Variants in GYG2 observed in about 807,000 individuals in gnomAD.
GYG2 encodes glycogenin 2.
A neutral mutation model predicts 29.4 loss-of-function variants in GYG2; 29 were observed. That is an observed-to-expected ratio of 0.99 (90% CI 0.74 to 1.35). GYG2 has a LOEUF of 1.35. GYG2 is among the 40% of genes most tolerant of loss of function. GYG2 has a pLI of 0.00. For synonymous variants in GYG2, 167 were observed against 172.3 expected, an observed-to-expected ratio of 0.97 and a Z score of 0.24; for missense variants, 370 against 385.7, an observed-to-expected ratio of 0.96 and a Z score of 0.34.
Position 2,853,190 on chromosome X carries a change from T to TTTTG in GYG2, c.150-778_150-775dup, listed in dbSNP as rs752656023. Among the ~76,000 whole-genome samples the TTTTG allele has an allele frequency of 5.4e-5, 6 of 110,481 alleles. No homozygotes were observed. In the South Asian group the frequency reaches 2.4e-3, roughly 44 times the overall value. The stretch of plus-strand genomic sequence containing the variant: ...CCAGCACGCCTGGCTAATTTAAATT[T>TTTTG]TTTGTTTGTTTGTTTTTGTTTTTTT... On this transcript the variant is annotated intron_variant, in intron 3 of 10. Coordinates refer to ENST00000398806, the MANE Select transcript of GYG2 (RefSeq NM_001079855.2).
At chrX:2,872,269 C>G (rs923043747) in intron 8 of GYG2, among the ~76,000 whole-genome samples, 3 of 112,232 alleles carry the variant, frequency 2.7e-5, no homozygotes, top group African/African-American at 9.7e-5. Flanking sequence ...ATTTTATATT[C>G]ATGCATTCAC....
rs2088735932 is a variant in GYG2 at position 2,882,365 on chromosome X, GGGA to G, written c.*1154_*1156del. 9.0e-6 allele frequency: 1 copy of G among 111,493 alleles called. No homozygotes were observed. Among genetic ancestry groups the G allele is most frequent in the African/African-American group, 3.3e-5 (1 of 30,660 alleles). The allele number at this position is 111,493 out of a possible 1,213,427, so 9.2% of individuals were successfully genotyped here. ...ATTAGAGACGGGATAGGAAGGCCGT[GGGA>G]GAACTCGATCCTAGCCTGTGTCAGC... On this transcript the variant is annotated 3_prime_UTR_variant, in exon 11 of 11. Coordinates refer to ENST00000398806, the MANE Select transcript of GYG2 (RefSeq NM_001079855.2).
Position 2,855,043 on chromosome X carries a change from C to G in GYG2, c.375C>G (p.Ala125=). Residue 125 remains alanine (A), a synonymous_variant, in exon 5 of 11, where the codon GCC becomes GCG. Coordinates refer to ENST00000398806, the MANE Select transcript of GYG2 (RefSeq NM_001079855.2). ...ELFDRGEFSA[A]PDPGWPDCFN... Reference sequence around the variant, plus strand: ...TTGACAGGGGAGAGTTTTCTGCGGCCCCGGACCCCGGATGGCCGGATTGCT... The same window carrying G: ...TTGACAGGGGAGAGTTTTCTGCGGCGCCGGACCCCGGATGGCCGGATTGCT... 8.3e-7 allele frequency: 1 copy of G among 1,211,029 alleles called. No individual in the cohort carries two copies. The highest frequency in any genetic ancestry group is 1.1e-6 in the Non-Finnish European group (1 of 894,775).
chrX:2,835,076 G>A (rs755502166), intron 2 of GYG2, among the ~76,000 whole-genome samples: 5 of 111,454 alleles, frequency 4.5e-5, no homozygotes, highest in African/African-American at 1.6e-4. Context: ...GAAAGGGTGG[G>A]ACTACTTGAA....
At chrX:2,868,152 A>T (rs1263628581) in intron 8 of GYG2, among the ~76,000 whole-genome samples, 1 of 111,140 alleles carries the variant, frequency 9.0e-6, no homozygotes, top group Non-Finnish European at 1.9e-5. Flanking sequence ...GGGGAGCGTT[A>T]TGTTGGCTGA....
At chrX:2,833,255 C>T (rs1236123031) in intron 2 of GYG2, among the ~76,000 whole-genome samples, 1 of 110,500 alleles carries the variant, frequency 9.0e-6, no homozygotes, top group Admixed American at 9.7e-5. Context: ...TCTGTGTCCT[C>T]ATCTCCTCTT....
rs940799551 is a variant in GYG2, at chrX:2,877,086, A to G, written c.1144-114A>G. The G allele has an allele frequency of 6.4e-5, 66 of 1,038,209 alleles. No homozygotes were observed. In the Admixed American group the frequency reaches 1.9e-3, roughly 29 times the overall value. 85.6% of individuals were successfully genotyped at this position (1,038,209 alleles called of 1,213,427 possible). ...GCATGAGCCACCGCGCCTGGCCTCA[A>G]CCCAATAATTTGATTTTATTTTACC... is the stretch of plus-strand genomic sequence containing the variant. On this transcript the variant is annotated intron_variant, in intron 9 of 10. Coordinates refer to ENST00000398806, the MANE Select transcript of GYG2 (RefSeq NM_001079855.2).
chrX:2,855,091 C>A lies in GYG2; in HGVS notation c.423C>A (p.Phe141Leu), dbSNP rs1373042247. Reference protein sequence around the residue: ...PDCFNSGVFVFQPSLHTHKLL... With the variant: ...PDCFNSGVFVLQPSLHTHKLL... ...GCTTCAATAGCGGGGTGTTTGTCTT[C>A]CAGCCTTCTCTCCACACGCATAAAC... is the stretch of plus-strand genomic sequence containing the variant. The change falls in exon 5 of 11, where the codon TTC (phenylalanine) becomes TTA (leucine). Residue 141 changes from phenylalanine to leucine, a missense_variant. Phe to Leu is a conservative substitution (Grantham distance 22). Coordinates refer to ENST00000398806, the MANE Select transcript of GYG2 (RefSeq NM_001079855.2). 1 of 1,211,253 alleles carries A rather than the reference C, an allele frequency of 8.3e-7. No homozygotes were observed. The highest frequency in any genetic ancestry group is 1.1e-6 in the Non-Finnish European group (1 of 894,983).
At chrX:2,850,467 G>A (rs1327781774) in intron 3 of GYG2, among the ~76,000 whole-genome samples, 2 of 111,649 alleles carry the variant, frequency 1.8e-5, no homozygotes, top group Admixed American at 9.5e-5. Context: ...TGGGAAATGC[G>A]TGGATTGAAG....
chrX:2,858,236 G>A (rs938272676), intron 6 of GYG2, among the ~76,000 whole-genome samples: 3 of 110,308 alleles, frequency 2.7e-5, no homozygotes, highest in South Asian at 3.9e-4. Flanking sequence ...CGAGGTGGGC[G>A]GATCACTTGA....
At chrX:2,847,860 C>T (rs1490226634) in intron 3 of GYG2, among the ~76,000 whole-genome samples, 2 of 112,112 alleles carry the variant, frequency 1.8e-5, no homozygotes, top group East Asian at 5.5e-4. Context: ...CTGGAGGGTT[C>T]CATGTGGTGG....
intron 10 of GYG2, 165 bp downstream of exon 10, chrX:2,877,472 T>C (rs1479555585): frequency 1.4e-5 from 15 of 1,080,744 alleles, no homozygotes; most frequent in Non-Finnish European, 1.7e-5. Flanking sequence ...CTGTCTTCTC[T>C]CTGGCATTTG....
chrX:2,841,077 T>A (rs1482885210), intron 2 of GYG2, among the ~76,000 whole-genome samples: 2 of 110,528 alleles, frequency 1.8e-5, no homozygotes. Context: ...AGATAATAGA[T>A]GTACAGAGAA....
rs1603460375 is a variant in GYG2, at chrX:2,874,739, C to G, written c.1039-1071C>G. On this transcript the variant is annotated intron_variant, in intron 8 of 10. Coordinates refer to ENST00000398806, the MANE Select transcript of GYG2 (RefSeq NM_001079855.2). The stretch of plus-strand genomic sequence containing the variant: ...CTGGACATTCTCCTAAAAGGGAATG[C>G]TAGGATCAGAAATTTGGGAGCTGAG... 3.6e-5 allele frequency among the ~76,000 whole-genome samples: 4 copies of G among 111,930 alleles called. No homozygotes were observed. The Middle Eastern group carries it at 0.019, about 518-fold the overall frequency.
At chrX:2,831,592 C>T (rs1157405752) in intron 2 of GYG2, among the ~76,000 whole-genome samples, 2 of 111,795 alleles carry the variant, frequency 1.8e-5, no homozygotes, top group Non-Finnish European at 3.8e-5. Context: ...GTTTGGAGCT[C>T]TCTAAAGTGA....
At chrX:2,861,421 C>G (rs934872334) in intron 7 of GYG2, 101 bp from the exon 8 acceptor site, 2 of 578,096 alleles carry the variant, frequency 3.5e-6, no homozygotes, top group Non-Finnish European at 5.9e-6. Flanking sequence ...CAGATGGGAG[C>G]TGGGAGCCCT....
intron 2 of GYG2, among the ~76,000 whole-genome samples, chrX:2,833,873 C>T (rs1024912214): frequency 1.8e-5 from 2 of 112,640 alleles, no homozygotes; most frequent in African/African-American, 6.5e-5. Flanking sequence ...CTGCACCTTG[C>T]TTTGGGCCAA....
At chrX:2,865,343 C>A (rs1299305202) in intron 8 of GYG2, among the ~76,000 whole-genome samples, 1 of 111,507 alleles carries the variant, frequency 9.0e-6, no homozygotes, top group Non-Finnish European at 1.9e-5. Flanking sequence ...AGTGACAGCA[C>A]TTAGCACTCT....
At chrX:2,841,014 T>C (rs1378378143) in intron 2 of GYG2, among the ~76,000 whole-genome samples, 37 of 107,414 alleles carry the variant, frequency 3.4e-4, no homozygotes, top group Non-Finnish European at 6.4e-4. Flanking sequence ...TATAGATAGA[T>C]AGATAGAAGG....
Sources: gnomAD v4.1 joint callset for allele counts (sites outside exome capture counted in the v4.1 genomes callset) on GRCh38, gnomAD v4.1.1 for gene constraint, MANE v1.5 for transcripts, NCBI Gene and HGNC (gene_info 2026-07-23, HGNC 2026-07-21) for gene names.